Variants in SLC2A14 observed in about 807,000 individuals in gnomAD.
SLC2A14 encodes the protein solute carrier family 2 member 14.
In SLC2A14, 13 loss-of-function variants were observed where a neutral mutation model predicts 43.0. That is an observed-to-expected ratio of 0.30 (90% CI 0.20 to 0.48). SLC2A14 has a LOEUF of 0.48. Among genes scored for constraint, SLC2A14 ranks in the 20% least tolerant of loss-of-function variants. The probability of loss-of-function intolerance (pLI) is 0.99; values close to 1 mark genes in which losing one functional copy is unlikely to be tolerated. For missense variants in SLC2A14, 428 were observed against 620.4 expected, an observed-to-expected ratio of 0.69 and a Z score of 3.29; for synonymous variants, 190 against 233.8, an observed-to-expected ratio of 0.81 and a Z score of 1.71.
At chr12:7,884,124 C>T (rs1945647877) in intron 1 of SLC2A14, among the ~76,000 whole-genome samples, 1 of 151,276 alleles carries the variant, frequency 6.6e-6, no homozygotes, top group Non-Finnish European at 1.5e-5. Flanking sequence ...GGGGTTTCAC[C>T]ATGTTAGCCA....
intron 2 of SLC2A14, among the ~76,000 whole-genome samples, chr12:7,861,831 G>A (rs1565563777): frequency 1.3e-5 from 2 of 151,796 alleles, no homozygotes; most frequent in Non-Finnish European, 2.9e-5. Flanking sequence ...GTATGGTGGC[G>A]CACACCTGCA....
intron 1 of SLC2A14, among the ~76,000 whole-genome samples, chr12:7,888,173 A>G (rs1367329732): frequency 6.6e-6 from 1 of 152,018 alleles, no homozygotes; most frequent in Non-Finnish European, 1.5e-5. Flanking sequence ...CCTCCATTTG[A>G]TTCTTCATTA....
intron 2 of SLC2A14, among the ~76,000 whole-genome samples, chr12:7,833,394 TAAATA>T (rs1174306337): frequency 2.0e-5 from 3 of 152,168 alleles, no homozygotes; most frequent in African/African-American, 7.2e-5. Flanking sequence ...TCTGGTTTAT[TAAATA>T]CTGTTCTGCT....
intron 2 of SLC2A14, among the ~76,000 whole-genome samples, chr12:7,862,285 A>T (rs1021912418): frequency 6.6e-6 from 1 of 151,250 alleles, no homozygotes; most frequent in African/African-American, 2.4e-5. Context: ...AAAAAAAAAA[A>T]AAAGAAGACA....
intron 10 of SLC2A14, among the ~76,000 whole-genome samples, chr12:7,815,101 AG>A (rs1210706453): frequency 6.7e-6 from 1 of 148,966 alleles, no homozygotes; most frequent in Non-Finnish European, 1.5e-5. Context: ...CCTGGCCTTG[AG>A]TATTATTTTT....
At chr12:7,867,280 CA>C (rs755003596) in intron 2 of SLC2A14, among the ~76,000 whole-genome samples, 6,850 of 70,512 alleles carry the variant, frequency 0.097, 96 homozygotes, top group East Asian at 0.14. Context: ...GACTCCGTCT[CA>C]AAAAAAAAAA....
chr12:7,872,833 G>A lies in SLC2A14; in HGVS notation c.-84C>T. On this transcript the variant is annotated 5_prime_UTR_variant, in exon 1 of 11. Coordinates refer to ENST00000431042, the MANE Select transcript of SLC2A14 (RefSeq NM_001286234.2). ...TCCCAGACCCCGCGACTGCGGTTGG[G>A]CCCCGCGGCTTCGCTCAACCACGCA... 3.0e-6 allele frequency: 3 copies of A among 985,462 alleles called. No homozygotes were observed. The highest frequency in any genetic ancestry group is 3.6e-6 in the Non-Finnish European group (3 of 830,024). The allele number at this position is 985,462 out of a possible 1,614,324, so 61.0% of individuals were successfully genotyped here.
intron 2 of SLC2A14, among the ~76,000 whole-genome samples, chr12:7,854,506 T>C (rs961608700): frequency 6.6e-6 from 1 of 152,184 alleles, no homozygotes; most frequent in Non-Finnish European, 1.5e-5. Context: ...GTTTGCTTTT[T>C]GAGATGGAGT....
Position 7,847,943 on chromosome 12 carries a change from A to G in SLC2A14, c.19-15129T>C, listed in dbSNP as rs757487847. On this transcript the variant is annotated intron_variant, in intron 2 of 10. Transcript: ENST00000431042. Reference sequence around the variant, plus strand: ...AGAAATGGATGGAGGCATTGCCCACAGTTAGAGGAACACAGCAGAGGAACC... The same window carrying G: ...AGAAATGGATGGAGGCATTGCCCACGGTTAGAGGAACACAGCAGAGGAACC... Among the ~76,000 whole-genome samples, 9 of 152,250 alleles carry G rather than the reference A, an allele frequency of 5.9e-5. No individual in the cohort carries two copies. In the South Asian group the frequency reaches 1.9e-3, roughly 32 times the overall value.
intron 1 of SLC2A14, among the ~76,000 whole-genome samples, chr12:7,879,050 G>A (rs1387156213): frequency 6.7e-6 from 1 of 148,608 alleles, no homozygotes; most frequent in Non-Finnish European, 1.5e-5. Context: ...CTAGAAAGTA[G>A]GGGTGTCTGA....
intron 1 of SLC2A14, chr12:7,871,036 C>T: frequency 7.0e-7 from 1 of 1,425,694 alleles, no homozygotes. Context: ...GCTGGCTTCA[C>T]CGCGGAAGAA....
chr12:7,821,237 A>T lies in SLC2A14; in HGVS notation c.953T>A (p.Ile318Asn), dbSNP rs1482272882. Residue 318 changes from isoleucine to asparagine, a missense_variant, in exon 8 of 11, where the codon ATC becomes AAC. Physicochemically the swap from Ile to Asn is moderately radical, Grantham distance 149 (BLOSUM62 -3). Transcript: ENST00000431042. ...ATISAGVVNT[I>N]FTLLSLFLVE... ...CCAACTTACAGAAAGTAAAGTGAAGATAGTATTAACCACACCCGCGCTGAT... is the reference window on the plus strand; with the variant it reads ...CCAACTTACAGAAAGTAAAGTGAAGTTAGTATTAACCACACCCGCGCTGAT... The T allele has an allele frequency of 6.2e-7, 1 of 1,613,490 alleles. No homozygotes were observed.
chr12:7,816,917 G>A (rs1040639495), intron 10 of SLC2A14, among the ~76,000 whole-genome samples: 20 of 151,894 alleles, frequency 1.3e-4, no homozygotes, highest in Non-Finnish European at 2.9e-4. Context: ...CAGATGGTCA[G>A]GCTAATCTCG....
chr12:7,821,874 G>T, intron 7 of SLC2A14, among the ~76,000 whole-genome samples: 1 of 140,364 alleles, frequency 7.1e-6, no homozygotes, highest in Non-Finnish European at 1.5e-5. Context: ...GCCCAGGCTG[G>T]AATGCAGTGG....
At chr12:7,851,459 T>A (rs1327786496) in intron 2 of SLC2A14, among the ~76,000 whole-genome samples, 1 of 152,144 alleles carries the variant, frequency 6.6e-6, no homozygotes, top group Non-Finnish European at 1.5e-5. Flanking sequence ...TTTCCCTGGT[T>A]CATGTTTGGG....
upstream of SLC2A14, chr12:7,873,087 A>G (rs1463313049): frequency 1.0e-6 from 1 of 985,158 alleles, no homozygotes; most frequent in Non-Finnish European, 1.2e-6. Flanking sequence ...TCACCTGCGC[A>G]CCGCACGGTC....
At chr12:7,867,769 T>C (rs1945003848) in intron 2 of SLC2A14, among the ~76,000 whole-genome samples, 1 of 147,078 alleles carries the variant, frequency 6.8e-6, no homozygotes, top group South Asian at 2.1e-4. Context: ...CACTTGAACC[T>C]GGGAGGTGGA....
chr12:7,878,637 A>G (rs1945505668), intron 1 of SLC2A14, among the ~76,000 whole-genome samples: 1 of 152,078 alleles, frequency 6.6e-6, no homozygotes, highest in South Asian at 2.1e-4. Flanking sequence ...TACCAGAAAA[A>G]AATAAAAACA....
exon 1 of SLC2A14, chr12:7,891,059 A>G (rs1441682210): frequency 6.5e-7 from 1 of 1,535,202 alleles, no homozygotes; most frequent in East Asian, 2.4e-5. Flanking sequence ...AAAAAAAGAA[A>G]TGCCGCATTT....
Sources: allele counts gnomAD v4.1 joint callset (sites outside exome capture counted in the v4.1 genomes callset), GRCh38; gene constraint gnomAD v4.1.1; transcripts MANE v1.5; gene names NCBI Gene and HGNC (gene_info 2026-07-23, HGNC 2026-07-21).